Variants in XRRA1 observed in about 807,000 individuals in gnomAD.
The protein encoded by XRRA1 is X-ray radiation resistance-associated protein 1.
A neutral mutation model predicts 80.2 loss-of-function variants in XRRA1; 69 were observed. The ratio of observed to expected loss-of-function variants is 0.86; its 90% CI spans 0.71 to 1.05. The LOEUF (loss-of-function observed/expected upper bound fraction) is 1.05, where lower values mean the gene tolerates loss of function less well. Ranked by LOEUF, XRRA1 falls within the 50% of genes least tolerant of loss-of-function variation. The probability of loss-of-function intolerance (pLI) is 0.00; values close to 1 mark genes in which losing one functional copy is unlikely to be tolerated. For missense variants in XRRA1, 967 were observed against 976.4 expected, an observed-to-expected ratio of 0.99 and a Z score of 0.13; for synonymous variants, 348 against 389.9, an observed-to-expected ratio of 0.89 and a Z score of 1.27.
intron 8 of XRRA1, among the ~76,000 whole-genome samples, chr11:74,908,413 G>A (rs2055106929): frequency 1.3e-5 from 2 of 152,180 alleles, no homozygotes; most frequent in Non-Finnish European, 2.9e-5. Context: ...GTGGATTAAA[G>A]GGTGGGGAAA....
intron 7 of XRRA1, among the ~76,000 whole-genome samples, chr11:74,924,110 G>A (rs867141881): frequency 4.6e-5 from 7 of 151,844 alleles, no homozygotes; most frequent in African/African-American, 1.4e-4. Context: ...CCAAAGTGCT[G>A]GGATTACAGG....
intron 12 of XRRA1, among the ~76,000 whole-genome samples, chr11:74,854,873 C>T (rs370465105): frequency 4.5e-4 from 65 of 145,708 alleles, no homozygotes; most frequent in African/African-American, 1.8e-3. Flanking sequence ...AAATACAAAA[C>T]AACAACAACA....
intron 10 of XRRA1, among the ~76,000 whole-genome samples, chr11:74,874,401 T>C (rs977891785): frequency 6.6e-6 from 1 of 152,002 alleles, no homozygotes; most frequent in African/African-American, 2.4e-5. Context: ...ATCTTTTGTA[T>C]CAGAAAGGAA....
At chr11:74,886,124 C>G (rs113721644) in intron 10 of XRRA1, among the ~76,000 whole-genome samples, 2 of 152,272 alleles carry the variant, frequency 1.3e-5, no homozygotes, top group African/African-American at 4.8e-5. Flanking sequence ...TGGGCAAAAG[C>G]TGGAAGCATT....
At chr11:74,934,734 G>C (rs1944509838) in intron 4 of XRRA1, among the ~76,000 whole-genome samples, 1 of 152,138 alleles carries the variant, frequency 6.6e-6, no homozygotes, top group South Asian at 2.1e-4. Context: ...ACGGCCATTA[G>C]ATCATATAAG....
chr11:74,913,051 C>T lies in XRRA1; in HGVS notation c.657-5778G>A, dbSNP rs531673484. On this transcript the variant is annotated intron_variant, in intron 8 of 18. Coordinates refer to ENST00000684022, the MANE Select transcript of XRRA1 (RefSeq NM_001378157.1). ...TCAGATGGAAGAATGAAAATTTAGC[C>T]AAAGTCTGTTTCACAATGGACCCAG... 3.9e-5 allele frequency among the ~76,000 whole-genome samples: 6 copies of T among 152,278 alleles called. No individual in the cohort carries two copies. In the South Asian group the frequency reaches 1.2e-3, roughly 32 times the overall value.
intron 10 of XRRA1, among the ~76,000 whole-genome samples, chr11:74,874,108 C>T (rs559698883): frequency 1.3e-4 from 19 of 151,684 alleles, no homozygotes; most frequent in Non-Finnish European, 1.8e-4. Context: ...TGGTGGCACA[C>T]GCCTGTATTC....
chr11:74,935,439 C>A (rs1033040141), intron 4 of XRRA1, among the ~76,000 whole-genome samples: 1 of 152,196 alleles, frequency 6.6e-6, no homozygotes, highest in Admixed American at 6.5e-5. Context: ...AATTAGTTTA[C>A]AACATATAGA....
At chr11:74,847,579 C>G (rs1400847575) in intron 15 of XRRA1, among the ~76,000 whole-genome samples, 2 of 152,182 alleles carry the variant, frequency 1.3e-5, no homozygotes, top group Non-Finnish European at 2.9e-5. Flanking sequence ...AATCTCAGCT[C>G]AGTTGAGCCT....
rs60527965 is a variant in XRRA1 at position 74,933,987 on chromosome 11, G to GTTCATTCA, written c.280-123_280-116dup. 3.1e-3 allele frequency: 2,005 copies of GTTCATTCA among 656,128 alleles called. 10 individuals carry two copies. Among genetic ancestry groups the GTTCATTCA allele is most frequent in the African/African-American group, 6.1e-3 (333 of 54,178 alleles). The allele number at this position is 656,128 out of a possible 1,614,324, so 40.6% of individuals were successfully genotyped here. A position where few individuals can be genotyped will look rare whatever the true frequency, so the allele number is the denominator to read the frequency against. On this transcript the variant is annotated intron_variant, in intron 4 of 18. Coordinates refer to ENST00000684022, the MANE Select transcript of XRRA1 (RefSeq NM_001378157.1). ...TATACTTGTCATAATTTGTTTGCTT[G>GTTCATTCA]TTCATTCATTCATTCATTCATTCAT...
chr11:74,890,702 A>C (rs2050435289), intron 10 of XRRA1, among the ~76,000 whole-genome samples: 1 of 152,234 alleles, frequency 6.6e-6, no homozygotes, highest in Non-Finnish European at 1.5e-5. Context: ...TAGATGCAAT[A>C]AAAAGTGATA....
At chr11:74,901,094 T>C (rs2053498427) in intron 10 of XRRA1, among the ~76,000 whole-genome samples, 1 of 152,144 alleles carries the variant, frequency 6.6e-6, no homozygotes, top group African/African-American at 2.4e-5. Flanking sequence ...GATAAGCAGA[T>C]TCAGTAAAGT....
At chr11:74,920,495 G>T (rs1276609659) in intron 8 of XRRA1, among the ~76,000 whole-genome samples, 1 of 152,198 alleles carries the variant, frequency 6.6e-6, no homozygotes, top group Non-Finnish European at 1.5e-5. Flanking sequence ...AGAGGCATGG[G>T]CTAAAGCAGT....
intron 10 of XRRA1, among the ~76,000 whole-genome samples, chr11:74,889,290 T>C (rs975183658): frequency 1.3e-5 from 2 of 152,176 alleles, no homozygotes; most frequent in African/African-American, 4.8e-5. Context: ...CAGAATTTCA[T>C]ATCCAGCCAA....
At chr11:74,888,009 AAAC>A (rs2137090054) in intron 10 of XRRA1, among the ~76,000 whole-genome samples, 1 of 152,314 alleles carries the variant, frequency 6.6e-6, no homozygotes, top group South Asian at 2.1e-4. Flanking sequence ...GGACATTGCC[AAAC>A]AAAAGGCAGC....
intron 10 of XRRA1, among the ~76,000 whole-genome samples, chr11:74,873,298 A>T (rs1192935357): frequency 6.6e-6 from 1 of 152,142 alleles, no homozygotes; most frequent in Non-Finnish European, 1.5e-5. Context: ...GCAAAAACCC[A>T]ATGGAGAATG....
At chr11:74,878,003 G>A (rs2046479565) in intron 10 of XRRA1, among the ~76,000 whole-genome samples, 2 of 151,790 alleles carry the variant, frequency 1.3e-5, no homozygotes, top group Admixed American at 6.6e-5. Flanking sequence ...GGGTCAAATG[G>A]TATTTCCAGT....
rs777684962 is a variant in XRRA1 at position 74,843,946 on chromosome 11, G to A, written c.2057C>T (p.Pro686Leu). ...TCTAGTCTTCTTTGGGGGTGGAATC[G>A]GGATTCTCTGGGCCTGGCAGAAGGT... ...VHKEKRAQRI[P>L]IPPPKKTRAQ... The change falls in exon 18 of 19, where the codon CCG becomes CTG. Residue 686 changes from proline to leucine, a missense_variant. By Grantham distance (98) the Pro-to-Leu change is moderately conservative. Transcript: ENST00000684022. 3.1e-6 allele frequency: 5 copies of A among 1,613,398 alleles called. No homozygotes were observed. Among genetic ancestry groups the A allele is most frequent in the South Asian group, 1.1e-5 (1 of 90,938 alleles).
chr11:74,847,603 C>A (rs57790036), intron 15 of XRRA1, among the ~76,000 whole-genome samples: 3,907 of 152,254 alleles, frequency 0.026, 142 homozygotes, highest in African/African-American at 0.09. Context: ...CCAGGAAGCC[C>A]TCCTGGGCTG....
Sources: allele counts gnomAD v4.1 joint callset (sites outside exome capture counted in the v4.1 genomes callset), GRCh38; gene constraint gnomAD v4.1.1; transcripts MANE v1.5; gene names NCBI Gene and HGNC (gene_info 2026-07-23, HGNC 2026-07-21).